Variants in DDR1 observed in about 807,000 individuals in gnomAD.
DDR1 encodes the protein discoidin domain receptor tyrosine kinase 1.
A neutral mutation model predicts 97.4 loss-of-function variants in DDR1; 64 were observed. That is an observed-to-expected ratio of 0.66 (90% CI 0.54 to 0.81). The LOEUF is 0.81. DDR1 is among the 30% of genes least tolerant of loss of function. The pLI, the probability that DDR1 is intolerant of heterozygous loss-of-function variation, is 0.00. For missense variants in DDR1, 990 were observed against 1,259.6 expected (o/e 0.79, Z 3.24); for synonymous variants, 458 against 503.7 (o/e 0.91, Z 1.21).
Position 30,898,249 on chromosome 6 carries a change from G to T in DDR1, c.2393G>T (p.Arg798Leu), listed in dbSNP as rs1330507537. The T allele has an allele frequency of 1.9e-6, 3 of 1,614,106 alleles. No homozygotes were observed. The highest frequency in any genetic ancestry group is 4.5e-5 in the East Asian group (2 of 44,892). Residue 798 changes from arginine (R) to leucine (L), a missense_variant, in exon 16 of 18, where the codon CGT (arginine) becomes CTT (leucine). Coordinates refer to ENST00000376568, the MANE Select transcript of DDR1 (RefSeq NM_001297654.2). ...AACCTCTATGCTGGGGACTATTACC[G>T]TGTGCAGGGCCGGGCAGTGCTGCCC... ...SRNLYAGDYY[R>L]VQGRAVLPIR...
chr6:30,893,182 G>A lies in DDR1; in HGVS notation c.1195+19G>A. The A allele has an allele frequency of 1.9e-6, 3 of 1,603,564 alleles. No individual in the cohort carries two copies. The highest frequency in any genetic ancestry group is 2.5e-6 in the Non-Finnish European group (3 of 1,177,958). On this transcript the variant is annotated intron_variant, in intron 9 of 17. Coordinates refer to ENST00000376568, the MANE Select transcript of DDR1 (RefSeq NM_001297654.2). ...AGCTTGGGTGAGCAATCTTGGGTGG[G>A]CGTGTGGACCCTCTGCACCCTTCTC...
Position 30,889,516 on chromosome 6 carries a change from T to G in DDR1, c.417+86T>G. 1.0e-6 allele frequency: 1 copy of G among 982,858 alleles called. No individual in the cohort carries two copies. Among genetic ancestry groups the G allele is most frequent in the South Asian group, 1.8e-5 (1 of 55,204 alleles). 60.9% of individuals were successfully genotyped at this position (982,858 alleles called of 1,614,324 possible). On this transcript the variant is annotated intron_variant, in intron 4 of 17. Transcript: ENST00000376568. This position sits in a 1 kb window ranked among gnomAD's most constrained non-coding sequence, Gnocchi z 4.9. Reference sequence around the variant, plus strand: ...TAAACACCACCTATACGCTGACGACTCTCCAGTTTATATCATCTCCAGACT... The same window carrying G: ...TAAACACCACCTATACGCTGACGACGCTCCAGTTTATATCATCTCCAGACT...
chr6:30,890,900 G>A lies in DDR1; in HGVS notation c.418-73G>A. ...AGTGGCCACTGTGGGCTGGGCCAGG[G>A]AGCAGCTGGTGGGTGGGAAGTAAGA... is the stretch of plus-strand genomic sequence containing the variant. On this transcript the variant is annotated intron_variant, in intron 4 of 17. Coordinates refer to ENST00000376568, the MANE Select transcript of DDR1 (RefSeq NM_001297654.2). The surrounding 1 kb of genome is among the most constrained non-coding windows in gnomAD (Gnocchi z 5.0). 1 of 1,495,982 alleles carries A rather than the reference G, an allele frequency of 6.7e-7. No homozygotes were observed. Among genetic ancestry groups the A allele is most frequent in the Non-Finnish European group, 8.9e-7 (1 of 1,118,294 alleles). The allele number at this position is 1,495,982 out of a possible 1,614,324, so 92.7% of individuals were successfully genotyped here. A position where few individuals can be genotyped will look rare whatever the true frequency, so the allele number is the denominator to read the frequency against.
In DDR1 at chr6:30,892,159, G is replaced by C. The variant is rs1161576206; in HGVS notation, c.823G>C (p.Asp275His). The change falls in exon 7 of 18, where the codon GAC (aspartate) becomes CAC (histidine). Residue 275 changes from aspartate (D) to histidine (H), a missense_variant. Coordinates refer to ENST00000376568, the MANE Select transcript of DDR1 (RefSeq NM_001297654.2). ...CTATGTGGAGATGGAGTTTGAGTTT[G>C]ACCGGCTGAGGGCCTTCCAGGCTAT... is the stretch of plus-strand genomic sequence containing the variant. ...SGYVEMEFEF[D>H]RLRAFQAMQV... The C allele has an allele frequency of 6.2e-7, 1 of 1,614,076 alleles. No homozygotes were observed. Among genetic ancestry groups the C allele is most frequent in the Non-Finnish European group, 8.5e-7 (1 of 1,180,020 alleles).
chr6:30,889,285 TACA>T lies in DDR1; in HGVS notation c.275_277del (p.Gln92del), dbSNP rs763760216. ...GAGGAGGAGTACTTGCAGGTGGATC[TACA>T]ACGACTGCACCTGGTGGCTCTGGTG... On this transcript the variant is annotated inframe_deletion, in exon 4 of 18. Transcript: ENST00000376568. The surrounding 1 kb of genome is among the most constrained non-coding windows in gnomAD (Gnocchi z 4.9). 1.9e-6 allele frequency: 3 copies of T among 1,612,808 alleles called. No individual in the cohort carries two copies. Among genetic ancestry groups the T allele is most frequent in the Non-Finnish European group, 2.5e-6 (3 of 1,179,994 alleles).
chr6:30,882,442 C>G (rs1421125243), upstream of DDR1, among the ~76,000 whole-genome samples: 2 of 152,162 alleles, frequency 1.3e-5, no homozygotes, highest in African/African-American at 4.8e-5. This position sits in a 1 kb window ranked among gnomAD's most constrained non-coding sequence, Gnocchi z 4.8. Context: ...GATGGGTAAT[C>G]AGGCCCTCTT....
In DDR1 at chr6:30,897,292, C is replaced by G; in HGVS notation, c.1998-87C>G. ...GCTGGGGGTGGGGACGCCTGGTCTG[C>G]CTGAGGTGGGGCAGGGGGGTGGGGG... On this transcript the variant is annotated intron_variant, in intron 14 of 17. Coordinates refer to ENST00000376568, the MANE Select transcript of DDR1 (RefSeq NM_001297654.2). The surrounding 1 kb of genome is among the most constrained non-coding windows in gnomAD (Gnocchi z 5.2). 7.9e-7 allele frequency: 1 copy of G among 1,265,212 alleles called. No individual in the cohort carries two copies. Among genetic ancestry groups the G allele is most frequent in the Non-Finnish European group, 1.1e-6 (1 of 944,768 alleles). 78.4% of individuals were successfully genotyped at this position (1,265,212 alleles called of 1,614,324 possible). A position where few individuals can be genotyped will look rare whatever the true frequency, so the allele number is the denominator to read the frequency against.
chr6:30,883,889 T>C (rs1784766943), upstream of DDR1: 1 of 152,648 alleles, frequency 6.6e-6, no homozygotes, highest in Non-Finnish European at 1.5e-5. This position sits in a 1 kb window ranked among gnomAD's most constrained non-coding sequence, Gnocchi z 4.9. Flanking sequence ...GGAGCAAAGG[T>C]TGGTGGAGGG....
intron 15 of DDR1, 70 bp from the exon 16 acceptor site, chr6:30,898,003 C>A: frequency 8.0e-7 from 1 of 1,245,074 alleles, no homozygotes. Context: ...GGGGAGTGGG[C>A]TCTCTCTCCT....
chr6:30,897,154 G>A lies in DDR1; in HGVS notation c.1997+13G>A. 6.2e-7 allele frequency: 1 copy of A among 1,613,206 alleles called. No homozygotes were observed. Among genetic ancestry groups the A allele is most frequent in the East Asian group, 2.2e-5 (1 of 44,862 alleles). On this transcript the variant is annotated intron_variant, in intron 14 of 17. Transcript: ENST00000376568. The surrounding 1 kb of genome is among the most constrained non-coding windows in gnomAD (Gnocchi z 5.2). ...CCAAGAATGCCAGGTGAGGACCAGGGATGGCATCTGGAAGAAGGGAGGGGA... is the reference window on the plus strand; with the variant it reads ...CCAAGAATGCCAGGTGAGGACCAGGAATGGCATCTGGAAGAAGGGAGGGGA...
Position 30,897,318 on chromosome 6 carries a change from C to T in DDR1, c.1998-61C>T, listed in dbSNP as rs780329578. Reference sequence around the variant, plus strand: ...CTGAGGTGGGGCAGGGGGGTGGGGGCGCGGGGGAAGGTGCAGGCCGCCCAC... The same window carrying T: ...CTGAGGTGGGGCAGGGGGGTGGGGGTGCGGGGGAAGGTGCAGGCCGCCCAC... On this transcript the variant is annotated intron_variant, in intron 14 of 17. Transcript: ENST00000376568. The surrounding 1 kb of genome is among the most constrained non-coding windows in gnomAD (Gnocchi z 5.2). The T allele has an allele frequency of 2.9e-5, 34 of 1,187,696 alleles. No individual in the cohort carries two copies. The highest frequency in any genetic ancestry group is 3.5e-5 in the Non-Finnish European group (31 of 876,110). 73.6% of individuals were successfully genotyped at this position (1,187,696 alleles called of 1,614,324 possible).
rs1403456335 is a variant in DDR1, at chr6:30,897,321, G to C, written c.1998-58G>C. 1 of 1,538,208 alleles carries C rather than the reference G, an allele frequency of 6.5e-7. No homozygotes were observed. On this transcript the variant is annotated intron_variant, in intron 14 of 17. Coordinates refer to ENST00000376568, the MANE Select transcript of DDR1 (RefSeq NM_001297654.2). The surrounding 1 kb of genome is among the most constrained non-coding windows in gnomAD (Gnocchi z 5.2). ...AGGTGGGGCAGGGGGGTGGGGGCGCGGGGGAAGGTGCAGGCCGCCCACTCG... is the reference window on the plus strand; with the variant it reads ...AGGTGGGGCAGGGGGGTGGGGGCGCCGGGGAAGGTGCAGGCCGCCCACTCG...
At chr6:30,893,702 G>A (rs778319425) in intron 10 of DDR1, among the ~76,000 whole-genome samples, 3 of 152,236 alleles carry the variant, frequency 2.0e-5, no homozygotes, top group African/African-American at 4.8e-5. Flanking sequence ...GTCCTGGGAT[G>A]CAGCTGGCCC....
chr6:30,895,165 A>C (rs761250113), intron 11 of DDR1, among the ~76,000 whole-genome samples: 1 of 152,022 alleles, frequency 6.6e-6, no homozygotes, highest in Non-Finnish European at 1.5e-5. Context: ...TCCATCTGTT[A>C]TCCATCCATC....
At position 30,887,303 on chromosome 6, in the gene DDR1, T is replaced by A. The variant is rs199874728; in HGVS notation, c.-42-1385T>A. On this transcript the variant is annotated intron_variant, in intron 1 of 17. Transcript: ENST00000376568. The stretch of plus-strand genomic sequence containing the variant: ...TTAAAAGTCAAAATGATTTTCATAT[T>A]CTTTTACATATCTTATGATTTTACA... Among the ~76,000 whole-genome samples the A allele has an allele frequency of 2.2e-4, 34 of 152,372 alleles. No individual in the cohort carries two copies. In the East Asian group the frequency reaches 3.8e-3, roughly 17 times the overall value.
At position 30,888,578 on chromosome 6, in the gene DDR1, T is replaced by C. The variant is rs1463406888; in HGVS notation, c.-42-110T>C. 5 of 1,184,596 alleles carry C rather than the reference T, an allele frequency of 4.2e-6. No individual in the cohort carries two copies. The highest frequency in any genetic ancestry group is 1.5e-5 in the African/African-American group (1 of 65,038). The allele number at this position is 1,184,596 out of a possible 1,614,324, so 73.4% of individuals were successfully genotyped here. Reference sequence around the variant, plus strand: ...GCTGATGCTGTTAAACAATGACTGTTGTTGTTGTTTTACTGTTATTATCCC... The same window carrying C: ...GCTGATGCTGTTAAACAATGACTGTCGTTGTTGTTTTACTGTTATTATCCC... On this transcript the variant is annotated intron_variant, in intron 1 of 17. Coordinates refer to ENST00000376568, the MANE Select transcript of DDR1 (RefSeq NM_001297654.2). This position sits in a 1 kb window ranked among gnomAD's most constrained non-coding sequence, Gnocchi z 4.2.
At position 30,889,843 on chromosome 6, in the gene DDR1, G is replaced by C. The variant is rs1337797320; in HGVS notation, c.417+413G>C. On this transcript the variant is annotated intron_variant, in intron 4 of 17. Coordinates refer to ENST00000376568, the MANE Select transcript of DDR1 (RefSeq NM_001297654.2). This position sits in a 1 kb window ranked among gnomAD's most constrained non-coding sequence, Gnocchi z 4.9. The stretch of plus-strand genomic sequence containing the variant: ...TCCTCCCCTGGCATTCTCCAGCTCA[G>C]GAAGTGGTATCACCATTGCCTGGTT... 6.6e-6 allele frequency among the ~76,000 whole-genome samples: 1 copy of C among 152,112 alleles called. No homozygotes were observed. The highest frequency in any genetic ancestry group is 2.4e-5 in the African/African-American group (1 of 41,406).
Position 30,888,717 on chromosome 6 carries a change from G to C in DDR1, c.-13G>C. 6.2e-7 allele frequency: 1 copy of C among 1,612,792 alleles called. No homozygotes were observed. Among genetic ancestry groups the C allele is most frequent in the Non-Finnish European group, 8.5e-7 (1 of 1,179,968 alleles). The stretch of plus-strand genomic sequence containing the variant: ...GCTGCCCCCACCCCCTTAGGCCCGA[G>C]GGATCAGGAGCTATGGGACCAGAGG... On this transcript the variant is annotated 5_prime_UTR_variant, in exon 2 of 18. Transcript: ENST00000376568. The surrounding 1 kb of genome is among the most constrained non-coding windows in gnomAD (Gnocchi z 4.2).
chr6:30,897,964 C>G lies in DDR1; in HGVS notation c.2217-109C>G. 1 of 820,952 alleles carries G rather than the reference C, an allele frequency of 1.2e-6. No homozygotes were observed. Among genetic ancestry groups the G allele is most frequent in the Non-Finnish European group, 2.0e-6 (1 of 506,058 alleles). The allele number at this position is 820,952 out of a possible 1,614,324, so 50.9% of individuals were successfully genotyped here. A position where few individuals can be genotyped will look rare whatever the true frequency, so the allele number is the denominator to read the frequency against. ...TTGGCCTCACGTGGGCATTCCACCT[C>G]CACATGGGGAGCCAGAGTGACCGGG... On this transcript the variant is annotated intron_variant, in intron 15 of 17. Coordinates refer to ENST00000376568, the MANE Select transcript of DDR1 (RefSeq NM_001297654.2). This position sits in a 1 kb window ranked among gnomAD's most constrained non-coding sequence, Gnocchi z 5.2.
Sources: allele counts gnomAD v4.1 joint callset (sites outside exome capture counted in the v4.1 genomes callset), GRCh38; gene constraint gnomAD v4.1.1; non-coding constraint Gnocchi (gnomAD v3.1); transcripts MANE v1.5; gene names NCBI Gene and HGNC (gene_info 2026-07-23, HGNC 2026-07-21).